GANC: variants seen among roughly 807,000 people sequenced by gnomAD.
The protein encoded by GANC is glucosidase alpha, neutral C.
Under a neutral mutation model 124.2 loss-of-function variants are expected in GANC, and 117 were observed. The ratio of observed to expected loss-of-function variants is 0.94; its 90% CI spans 0.81 to 1.10. The LOEUF is 1.10. Ranked by LOEUF, GANC falls within the 50% of genes least tolerant of loss-of-function variation. GANC has a pLI of 0.00. For synonymous variants in GANC, 377 were observed against 376.8 expected, an observed-to-expected ratio of 1.00 and a Z score of -0.01; for missense variants, 1,140 against 1,095.0, an observed-to-expected ratio of 1.04 and a Z score of -0.58.
intron 15 of GANC, among the ~76,000 whole-genome samples, chr15:42,333,932 G>GC (rs2052265151): frequency 6.6e-6 from 1 of 152,088 alleles, no homozygotes; most frequent in Non-Finnish European, 1.5e-5. Flanking sequence ...AGAATCCAGA[G>GC]TATCCAACAC....
intron 11 of GANC, among the ~76,000 whole-genome samples, chr15:42,323,565 C>T (rs778637652): frequency 1.1e-4 from 16 of 151,980 alleles, no homozygotes; most frequent in East Asian, 1.9e-4. Flanking sequence ...TGCTATGGTG[C>T]GATCTCAGCT....
chr15:42,328,506 C>CAAAAAA (rs530447078), intron 13 of GANC, among the ~76,000 whole-genome samples: 4 of 104,074 alleles, frequency 3.8e-5, no homozygotes, highest in Admixed American at 1.1e-4. Context: ...AATAAAGATT[C>CAAAAAA]AAAAAAAAAA....
intron 4 of GANC, among the ~76,000 whole-genome samples, chr15:42,289,492 C>A (rs1205112606): frequency 6.6e-6 from 1 of 152,198 alleles, no homozygotes; most frequent in Non-Finnish European, 1.5e-5. Context: ...CTACCTCAAC[C>A]CTTCCCGTGA....
rs1225881111 is a variant in GANC, at chr15:42,273,551, A to G, written c.-931A>G. ...CGGCGTAGCGGCCCCTCTCTCAGAC[A>G]GTCGTCTGTGCGCCGTGAGACTTTG... On this transcript the variant is annotated 5_prime_UTR_variant, in exon 1 of 24. Coordinates refer to ENST00000318010, the MANE Select transcript of GANC (RefSeq NM_198141.3). 2.3e-6 allele frequency: 3 copies of G among 1,329,484 alleles called. No individual in the cohort carries two copies. The highest frequency in any genetic ancestry group is 1.4e-5 in the South Asian group (1 of 70,300). 82.4% of individuals were successfully genotyped at this position (1,329,484 alleles called of 1,614,324 possible).
At chr15:42,315,255 T>C (rs559162007) in intron 10 of GANC, among the ~76,000 whole-genome samples, 57 of 72,414 alleles carry the variant, frequency 7.9e-4, no homozygotes, top group Admixed American at 2.1e-3. Flanking sequence ...AGACTAGAAA[T>C]GGAAAATAAA....
chr15:42,274,271 A>G lies in GANC; in HGVS notation c.-211A>G, dbSNP rs553203445. The G allele has an allele frequency of 3.4e-6, 2 of 591,302 alleles. No individual in the cohort carries two copies. Among genetic ancestry groups the G allele is most frequent in the Admixed American group, 3.1e-5 (1 of 32,430 alleles). 36.6% of individuals were successfully genotyped at this position (591,302 alleles called of 1,614,324 possible). A position where few individuals can be genotyped will look rare whatever the true frequency, so the allele number is the denominator to read the frequency against. On this transcript the variant is annotated 5_prime_UTR_variant, in exon 1 of 24. Coordinates refer to ENST00000318010, the MANE Select transcript of GANC (RefSeq NM_198141.3). Reference sequence around the variant, plus strand: ...TCAAGACAAATTTGCCAAATAAATCATTGTAGAAACGCTAGTTTGGGCCTG... The same window carrying G: ...TCAAGACAAATTTGCCAAATAAATCGTTGTAGAAACGCTAGTTTGGGCCTG...
In GANC at chr15:42,322,005, G is replaced by A; in HGVS notation, c.1278G>A (p.Arg426=). 3 of 1,610,840 alleles carry A rather than the reference G, an allele frequency of 1.9e-6. No homozygotes were observed. Among genetic ancestry groups the A allele is most frequent in the South Asian group, 2.2e-5 (2 of 90,510 alleles). Residue 426 remains arginine (R), a synonymous_variant, in exon 11 of 24, where the codon AGG becomes AGA. Coordinates refer to ENST00000318010, the MANE Select transcript of GANC (RefSeq NM_198141.3). The part of the protein sequence containing the change: ...PNPKRMQELL[R]SKKRKLVVIS... ...CCAAGAGGATGCAAGAGCTGCTCAG[G>A]AGCAAAAAGCGTAAGGTAAAATAAG...
At chr15:42,274,965 A>G (rs181584759) in intron 1 of GANC, among the ~76,000 whole-genome samples, 1 of 152,302 alleles carries the variant, frequency 6.6e-6, no homozygotes, top group African/African-American at 2.4e-5. Context: ...TAACACGTGA[A>G]TTTCAGGCAT....
intron 5 of GANC, among the ~76,000 whole-genome samples, chr15:42,297,257 T>C (rs893544625): frequency 6.6e-6 from 1 of 152,210 alleles, no homozygotes; most frequent in Non-Finnish European, 1.5e-5. Context: ...ATTAAAATAC[T>C]TCTACATTAA....
rs1341525635 is a variant in GANC at position 42,345,834 on chromosome 15, T to TA, written c.2304+4dup. 11 of 1,597,508 alleles carry TA rather than the reference T, an allele frequency of 6.9e-6. No homozygotes were observed. Among genetic ancestry groups the TA allele is most frequent in the Non-Finnish European group, 9.4e-6 (11 of 1,166,474 alleles). On this transcript the variant is annotated splice_region_variant and intron_variant, in intron 20 of 23. Coordinates refer to ENST00000318010, the MANE Select transcript of GANC (RefSeq NM_198141.3). ...AAGATCCCAGTAGCCTTGGACACTG[T>TA]AAGTTATTTTCAGACTACTATTTTT...
At chr15:42,349,664 G>A (rs1030621061) in intron 22 of GANC, among the ~76,000 whole-genome samples, 169 bp downstream of exon 22, 5 of 150,870 alleles carry the variant, frequency 3.3e-5, no homozygotes, top group Non-Finnish European at 7.4e-5. Context: ...TTTTTTTTGA[G>A]ACAGAGTCTC....
intron 6 of GANC, 105 bp from the exon 7 acceptor site, chr15:42,306,441 C>G (rs1375555553): frequency 1.1e-6 from 1 of 871,590 alleles, no homozygotes; most frequent in East Asian, 2.6e-5. Flanking sequence ...GATGAACTCA[C>G]TTTCTCAGTC....
intron 5 of GANC, among the ~76,000 whole-genome samples, chr15:42,295,770 CAA>C (rs1349223427): frequency 1.3e-5 from 2 of 152,074 alleles, no homozygotes; most frequent in African/African-American, 4.8e-5. Context: ...TCCATCCTAA[CAA>C]TGACTAAAAA....
At chr15:42,328,239 G>A (rs190127653) in intron 13 of GANC, among the ~76,000 whole-genome samples, 136 of 152,188 alleles carry the variant, frequency 8.9e-4, no homozygotes, top group Admixed American at 3.5e-3. Flanking sequence ...CTTAGTACAG[G>A]GATAGACAAG....
chr15:42,281,257 T>A, intron 3 of GANC: 1 of 625,892 alleles, frequency 1.6e-6, no homozygotes, highest in Non-Finnish European at 2.9e-6. Context: ...AATGTCCTCC[T>A]TGTCATGTGG....
intron 5 of GANC, among the ~76,000 whole-genome samples, chr15:42,296,337 T>C (rs1341777795): frequency 1.3e-5 from 2 of 152,198 alleles, no homozygotes; most frequent in Non-Finnish European, 2.9e-5. Context: ...ACCAGTTTAC[T>C]AAATTTTGTG....
chr15:42,327,922 G>C (rs1386166611), intron 13 of GANC, among the ~76,000 whole-genome samples: 5 of 152,222 alleles, frequency 3.3e-5, no homozygotes, highest in African/African-American at 1.2e-4. Flanking sequence ...AATGATGGCA[G>C]TGTTGATGAT....
At chr15:42,331,735 G>A (rs1332091974) in intron 15 of GANC, among the ~76,000 whole-genome samples, 1 of 152,068 alleles carries the variant, frequency 6.6e-6, no homozygotes, top group Non-Finnish European at 1.5e-5. Context: ...AACAATAAGG[G>A]AATAGTTATA....
At chr15:42,307,108 A>G (rs2052004643) in intron 7 of GANC, among the ~76,000 whole-genome samples, 1 of 152,052 alleles carries the variant, frequency 6.6e-6, no homozygotes, top group African/African-American at 2.4e-5. Context: ...TCTTTAGGAG[A>G]TATCTTTCAG....
Sources: gnomAD v4.1 joint callset for allele counts (sites outside exome capture counted in the v4.1 genomes callset) on GRCh38, gnomAD v4.1.1 for gene constraint, MANE v1.5 for transcripts, NCBI Gene and HGNC (gene_info 2026-07-23, HGNC 2026-07-21) for gene names.